Variants in STOX2 observed in about 807,000 individuals in gnomAD.
STOX2 encodes storkhead-box protein 2.
A neutral mutation model predicts 60.9 loss-of-function variants in STOX2; 28 were observed. That is an observed-to-expected ratio of 0.46 (90% CI 0.34 to 0.63). STOX2 has a LOEUF of 0.63. Ranked by LOEUF, STOX2 falls within the 30% of genes least tolerant of loss-of-function variation. The pLI, the probability that STOX2 is intolerant of heterozygous loss-of-function variation, is 0.01. For missense variants in STOX2, 1,024 were observed against 1,187.7 expected (o/e 0.86, Z 2.03); for synonymous variants, 472 against 463.9 (o/e 1.02, Z -0.22).
chr4:184,001,446 A>G lies in STOX2; in HGVS notation c.288A>G (p.Ala96=). The part of the protein sequence containing the change: ...NSARKPVTQE[A]LMEHLTTCFP... ...CAAGAAAGCCTGTCACCCAAGAAGC[A>G]CTGATGGAGCACCTGACCACGTGCT... Residue 96 remains alanine (A), a synonymous_variant, in exon 2 of 4, where the codon GCA becomes GCG. Coordinates refer to ENST00000308497, the MANE Select transcript of STOX2 (RefSeq NM_020225.3). This position sits in a 1 kb window ranked among gnomAD's most constrained non-coding sequence, Gnocchi z 4.2. 1 of 1,613,826 alleles carries G rather than the reference A, an allele frequency of 6.2e-7. No homozygotes were observed. Among genetic ancestry groups the G allele is most frequent in the Non-Finnish European group, 8.5e-7 (1 of 1,179,846 alleles).
At chr4:183,798,803 T>G (rs1182622532) in intron 1 of STOX2, 1 of 981,498 alleles carries the variant, frequency 1.0e-6, no homozygotes. Context: ...TGCTTTGACT[T>G]GCTGGTTTTT....
upstream of STOX2, among the ~76,000 whole-genome samples, chr4:183,904,277 A>G (rs140080055): frequency 7.9e-5 from 12 of 152,366 alleles, no homozygotes; most frequent in East Asian, 2.3e-3. Flanking sequence ...GAGGACTAGA[A>G]GCTGCACGGG....
chr4:183,852,465 G>C (rs1189639681), intron 1 of STOX2, among the ~76,000 whole-genome samples: 1 of 56,014 alleles, frequency 1.8e-5, no homozygotes, highest in African/African-American at 8.0e-5. Flanking sequence ...AACGATGAGG[G>C]AAAGGATGAG....
intron 1 of STOX2, among the ~76,000 whole-genome samples, chr4:183,858,816 T>A (rs1007673107): frequency 6.6e-6 from 1 of 152,240 alleles, no homozygotes; most frequent in Non-Finnish European, 1.5e-5. Context: ...ACTTAGCTTC[T>A]ATGATTGCTT....
intron 1 of STOX2, among the ~76,000 whole-genome samples, chr4:183,898,972 G>A (rs542298127): frequency 3.3e-5 from 5 of 152,228 alleles, no homozygotes; most frequent in East Asian, 1.9e-4. Flanking sequence ...GTCTATGGGC[G>A]CCATTTTTCC....
chr4:183,858,883 A>G (rs976071457), intron 1 of STOX2, among the ~76,000 whole-genome samples: 3 of 152,104 alleles, frequency 2.0e-5, no homozygotes, highest in Non-Finnish European at 4.4e-5. Flanking sequence ...ATTGGAAGCA[A>G]TTTGCCCCTT....
intron 3 of STOX2, chr4:184,014,412 A>G (rs539199835): frequency 6.6e-6 from 1 of 152,182 alleles, no homozygotes; most frequent in Non-Finnish European, 1.5e-5. Flanking sequence ...TGCCAGGGGT[A>G]TATCTGCTTA....
intron 1 of STOX2, among the ~76,000 whole-genome samples, chr4:183,861,988 G>T (rs1740459081): frequency 6.6e-6 from 1 of 152,058 alleles, no homozygotes. Flanking sequence ...CCTTCTTACC[G>T]AATGTAGCCA....
chr4:183,902,608 A>G (rs554535465), upstream of STOX2, among the ~76,000 whole-genome samples: 1 of 152,212 alleles, frequency 6.6e-6, no homozygotes, highest in Non-Finnish European at 1.5e-5. Flanking sequence ...GTATATGACC[A>G]GAGTGACTCT....
rs764428910 is a variant in STOX2, at chr4:183,988,995, G to T, written c.167-12330G>T. Among the ~76,000 whole-genome samples, 49 of 152,008 alleles carry T rather than the reference G, an allele frequency of 3.2e-4. 1 individual carries two copies. Among genetic ancestry groups the T allele is most frequent in the Non-Finnish European group, 2.6e-4 (18 of 68,008 alleles). On this transcript the variant is annotated intron_variant, in intron 1 of 3. Coordinates refer to ENST00000308497, the MANE Select transcript of STOX2 (RefSeq NM_020225.3). ...CCACTGTGGGCTGCCCACCACACACGACCTCACCAGCCCAGGTCATCCCAG... is the reference window on the plus strand; with the variant it reads ...CCACTGTGGGCTGCCCACCACACACTACCTCACCAGCCCAGGTCATCCCAG...
chr4:183,868,644 T>A (rs758679293), intron 1 of STOX2, among the ~76,000 whole-genome samples: 8 of 152,222 alleles, frequency 5.3e-5, no homozygotes, highest in Non-Finnish European at 1.0e-4. Flanking sequence ...AGCAGCACTG[T>A]GACCCTGACG....
At chr4:183,854,413 G>C (rs1328200055) in intron 1 of STOX2, among the ~76,000 whole-genome samples, 3 of 152,180 alleles carry the variant, frequency 2.0e-5, no homozygotes, top group African/African-American at 7.2e-5. Context: ...TTTCACATCA[G>C]ATGTTTTTGT....
At chr4:183,902,888 A>G (rs1384118218), upstream of STOX2, among the ~76,000 whole-genome samples, 2 of 152,316 alleles carry the variant, frequency 1.3e-5, no homozygotes, top group Non-Finnish European at 2.9e-5. Flanking sequence ...GGCCACGAAC[A>G]CTGGATCATG....
intron 1 of STOX2, among the ~76,000 whole-genome samples, chr4:183,881,346 C>CA (rs921436028): frequency 5.3e-5 from 8 of 151,872 alleles, no homozygotes; most frequent in African/African-American, 1.9e-4. Context: ...ACTAAAAATA[C>CA]AAAAAAAATT....
At chr4:183,908,794 A>G (rs1741697036) in intron 1 of STOX2, among the ~76,000 whole-genome samples, 1 of 152,140 alleles carries the variant, frequency 6.6e-6, no homozygotes, top group African/African-American at 2.4e-5. Flanking sequence ...ATAATGAAGG[A>G]TAACCTGTTT....
At chr4:183,858,093 C>G (rs1270387875) in intron 1 of STOX2, among the ~76,000 whole-genome samples, 1 of 152,112 alleles carries the variant, frequency 6.6e-6, no homozygotes, top group Non-Finnish European at 1.5e-5. Context: ...GAAGGGCAAC[C>G]CCTGGGGAAG....
chr4:183,930,832 C>T (rs964493885), intron 1 of STOX2, among the ~76,000 whole-genome samples: 2 of 152,158 alleles, frequency 1.3e-5, no homozygotes, highest in Non-Finnish European at 2.9e-5. Flanking sequence ...TGACCTAGAT[C>T]TACAAATTTT....
chr4:183,921,087 TCTG>T (rs1047784660), intron 1 of STOX2, among the ~76,000 whole-genome samples: 1 of 152,254 alleles, frequency 6.6e-6, no homozygotes, highest in African/African-American at 2.4e-5. Context: ...ATTTCTGCCA[TCTG>T]TTGTTGTAAG....
intron 1 of STOX2, among the ~76,000 whole-genome samples, chr4:183,996,557 A>C (rs779682598): frequency 2.0e-5 from 3 of 152,196 alleles, no homozygotes; most frequent in African/African-American, 7.2e-5. Flanking sequence ...ATTTTCTAGT[A>C]GCATATCTTA....
Sources: gnomAD v4.1 joint callset for allele counts (sites outside exome capture counted in the v4.1 genomes callset) on GRCh38, gnomAD v4.1.1 for gene constraint, Gnocchi (gnomAD v3.1) non-coding constraint, MANE v1.5 for transcripts, NCBI Gene and HGNC (gene_info 2026-07-23, HGNC 2026-07-21) for gene names.